Variants in IRAG1 observed in about 807,000 individuals in gnomAD.
IRAG1 encodes the protein IP3R-associated cGMP kinase substrate.
A neutral mutation model predicts 106.2 loss-of-function variants in IRAG1; 62 were observed. The ratio of observed to expected loss-of-function variants is 0.58; its 90% confidence interval spans 0.48 to 0.72. IRAG1 has a LOEUF of 0.72. Among genes scored for constraint, IRAG1 ranks in the 30% least tolerant of loss-of-function variants. IRAG1 has a pLI of 0.00. For missense variants in IRAG1, 1,064 were observed against 1,140.7 expected, an observed-to-expected ratio of 0.93 and a Z score of 0.97; for synonymous variants, 462 against 443.9, an observed-to-expected ratio of 1.04 and a Z score of -0.51.
Position 10,581,127 on chromosome 11 carries a change from C to G in IRAG1, c.2361-538G>C, listed in dbSNP as rs543347301. 5.6e-4 allele frequency among the ~76,000 whole-genome samples: 85 copies of G among 152,268 alleles called. 2 individuals carry two copies. In the South Asian group the frequency reaches 0.016, roughly 28 times the overall value. ...GAAAGGCACGCTTTCAAAGAGAAAC[C>G]CTTGTGGTTTTTCTCCCCCAGGGTC... On this transcript the variant is annotated intron_variant, in intron 19 of 20. Coordinates refer to ENST00000423302, the MANE Select transcript of IRAG1 (RefSeq NM_130385.4).
rs935295847 is a variant in IRAG1 at position 10,575,379 on chromosome 11, A to G, written c.*953T>C. On this transcript the variant is annotated 3_prime_UTR_variant, in exon 21 of 21. Coordinates refer to ENST00000423302, the MANE Select transcript of IRAG1 (RefSeq NM_130385.4). ...CTGTGAGGTGGGTTAACTGTTTTCA[A>G]AGAGAGAATAGGGAATAGATTGTGC... 1 of 152,262 alleles carries G rather than the reference A, an allele frequency of 6.6e-6. No individual in the cohort carries two copies. The highest frequency in any genetic ancestry group is 1.5e-5 in the Non-Finnish European group (1 of 68,042). 9.4% of individuals were successfully genotyped at this position (152,262 alleles called of 1,614,324 possible). A position where few individuals can be genotyped will look rare whatever the true frequency, so the allele number is the denominator to read the frequency against.
chr11:10,621,676 G>A (rs1855846304), intron 10 of IRAG1, among the ~76,000 whole-genome samples: 1 of 152,310 alleles, frequency 6.6e-6, no homozygotes, highest in Admixed American at 6.5e-5. Flanking sequence ...AACTATAAGA[G>A]CAAGAATCCC....
At chr11:10,621,254 A>C (rs1004537999) in intron 10 of IRAG1, among the ~76,000 whole-genome samples, 2 of 152,194 alleles carry the variant, frequency 1.3e-5, no homozygotes, top group African/African-American at 4.8e-5. Context: ...TACTTCTGGG[A>C]ACCTTCTTAT....
intron 1 of IRAG1, among the ~76,000 whole-genome samples, chr11:10,655,831 G>C (rs1356646093): frequency 6.6e-6 from 1 of 152,116 alleles, no homozygotes; most frequent in African/African-American, 2.4e-5. Context: ...AAGCAGAATA[G>C]AACAAATGAG....
intron 10 of IRAG1, chr11:10,616,973 A>G (rs1407662176): frequency 1.0e-6 from 1 of 961,140 alleles, no homozygotes; most frequent in Non-Finnish European, 1.2e-6. Flanking sequence ...GAGCTCTGAA[A>G]GATGCTCTGA....
Position 10,626,425 on chromosome 11 carries a change from G to T in IRAG1, c.909C>A (p.Pro303=), listed in dbSNP as rs373055744. ...FDPLQYPETT[P]KGLAPVTNSS... is the part of the protein sequence containing the mutation. ...TGTTTGTAACAGGAGCTAGGCCTTTGGGTGTGGTCTCGGGGTACTGGAGGG... is the reference window on the plus strand; with the variant it reads ...TGTTTGTAACAGGAGCTAGGCCTTTTGGTGTGGTCTCGGGGTACTGGAGGG... Residue 303 remains proline, a synonymous_variant, in exon 9 of 21, where the codon CCC becomes CCA. Transcript: ENST00000423302. 1 of 1,613,872 alleles carries T rather than the reference G, an allele frequency of 6.2e-7. No homozygotes were observed. The highest frequency in any genetic ancestry group is 1.3e-5 in the African/African-American group (1 of 74,940).
intron 18 of IRAG1, among the ~76,000 whole-genome samples, chr11:10,582,809 AGCCAGGTGTGGTGGCACACACCTGTAAT>A (rs1047745359): frequency 6.6e-6 from 1 of 152,166 alleles, no homozygotes; most frequent in African/African-American, 2.4e-5. Flanking sequence ...TACAAAAATT[AGCCAGGTGTGGTGGCACACACCTGTAAT>A]CCCAGGTACT....
chr11:10,616,300 A>G (rs1010933357), intron 10 of IRAG1, among the ~76,000 whole-genome samples: 10 of 151,976 alleles, frequency 6.6e-5, no homozygotes, highest in African/African-American at 2.4e-4. Context: ...CAAAAAAAAA[A>G]AAAAAGAAAA....
chr11:10,661,935 G>C (rs1421701940), intron 1 of IRAG1, among the ~76,000 whole-genome samples: 1 of 152,126 alleles, frequency 6.6e-6, no homozygotes, highest in Non-Finnish European at 1.5e-5. Context: ...AACCCAACTA[G>C]AATTTGAACA....
At chr11:10,617,126 G>A (rs1306319874) in intron 10 of IRAG1, 4 of 985,192 alleles carry the variant, frequency 4.1e-6, no homozygotes, top group South Asian at 4.7e-5. Context: ...CTGTCCATTC[G>A]ATGTACTTCT....
intron 1 of IRAG1, among the ~76,000 whole-genome samples, chr11:10,663,398 A>G (rs1859546693): frequency 6.6e-6 from 1 of 152,284 alleles, no homozygotes; most frequent in Admixed American, 6.5e-5. Flanking sequence ...ATATAGGAAT[A>G]TATGTAGGAA....
intron 18 of IRAG1, among the ~76,000 whole-genome samples, chr11:10,584,548 AAT>A (rs56768282): frequency 0.19 from 18,423 of 97,756 alleles, 1,534 homozygotes; most frequent in East Asian, 0.27. Context: ...TCTTTCATGA[AAT>A]ATATATATAT....
chr11:10,642,616 A>T (rs2134777055), intron 2 of IRAG1, among the ~76,000 whole-genome samples: 1 of 152,346 alleles, frequency 6.6e-6, no homozygotes, highest in South Asian at 2.1e-4. Flanking sequence ...GACCTTGGGC[A>T]AGTTACTAGT....
chr11:10,628,142 T>G lies in IRAG1; in HGVS notation c.653-117A>C. 8.9e-7 allele frequency: 1 copy of G among 1,129,744 alleles called. No homozygotes were observed. Among genetic ancestry groups the G allele is most frequent in the East Asian group, 2.6e-5 (1 of 39,132 alleles). 70.0% of individuals were successfully genotyped at this position (1,129,744 alleles called of 1,614,324 possible). On this transcript the variant is annotated intron_variant, in intron 6 of 20. Transcript: ENST00000423302. This position sits in a 1 kb window ranked among gnomAD's most constrained non-coding sequence, Gnocchi z 4.1. ...CTTTGCAATCTCAGGCCTGGAAGAT[T>G]TGCTGACTACCTCCCGTGTGCCAGG...
chr11:10,624,912 C>A (rs563420025), intron 9 of IRAG1, among the ~76,000 whole-genome samples: 1 of 152,324 alleles, frequency 6.6e-6, no homozygotes, highest in East Asian at 1.9e-4. Flanking sequence ...GGCCCCTTGG[C>A]TCCAACTTCC....
At chr11:10,632,966 C>T (rs531249500) in intron 3 of IRAG1, among the ~76,000 whole-genome samples, 12 of 152,238 alleles carry the variant, frequency 7.9e-5, no homozygotes, top group Middle Eastern at 3.4e-3. Flanking sequence ...TCCTTTGAAC[C>T]GGCTTTGTTA....
Position 10,575,662 on chromosome 11 carries a change from C to A in IRAG1, c.*670G>T, listed in dbSNP as rs2134034266. ...AGGCATGTTGTGTGTGTGTACACAACAGTATGTGTGTATGTGTGGACAGAT... is the reference window on the plus strand; with the variant it reads ...AGGCATGTTGTGTGTGTGTACACAAAAGTATGTGTGTATGTGTGGACAGAT... On this transcript the variant is annotated 3_prime_UTR_variant, in exon 21 of 21. Transcript: ENST00000423302. The A allele has an allele frequency of 6.5e-6, 1 of 154,220 alleles. No individual in the cohort carries two copies. 9.6% of individuals were successfully genotyped at this position (154,220 alleles called of 1,614,324 possible).
At chr11:10,602,984 G>T (rs538381943) in intron 14 of IRAG1, 136 bp downstream of exon 14, 1 of 977,274 alleles carries the variant, frequency 1.0e-6, no homozygotes, top group Non-Finnish European at 1.5e-6. Flanking sequence ...GAATAATACT[G>T]CAATGATGTG....
At chr11:10,591,067 T>C (rs1852601632) in intron 18 of IRAG1, among the ~76,000 whole-genome samples, 1 of 152,210 alleles carries the variant, frequency 6.6e-6, no homozygotes, top group Non-Finnish European at 1.5e-5. Flanking sequence ...ACAGTCCCTT[T>C]CTTCCTCTAG....
Sources: gnomAD v4.1 joint callset for allele counts (sites outside exome capture counted in the v4.1 genomes callset) on GRCh38, gnomAD v4.1.1 for gene constraint, Gnocchi (gnomAD v3.1) non-coding constraint, MANE v1.5 for transcripts, NCBI Gene and HGNC (gene_info 2026-07-23, HGNC 2026-07-21) for gene names.